NOS1AP: variants seen among roughly 807,000 people sequenced by gnomAD.
NOS1AP encodes the protein carboxyl-terminal PDZ ligand of neuronal nitric oxide synthase protein.
Under a neutral mutation model 56.2 loss-of-function variants are expected in NOS1AP, and 21 were observed. That is an observed-to-expected ratio of 0.37 (90% confidence interval 0.26 to 0.54). The LOEUF (loss-of-function observed/expected upper bound fraction) is 0.54, where lower values mean the gene tolerates loss of function less well. Among genes scored for constraint, NOS1AP ranks in the 20% least tolerant of loss-of-function variants. The pLI, the probability that NOS1AP is intolerant of heterozygous loss-of-function variation, is 0.84. For missense variants in NOS1AP, 522 were observed against 657.8 expected (o/e 0.79, Z 2.26); for synonymous variants, 270 against 274.6 (o/e 0.98, Z 0.17).
rs144609164 is a variant in NOS1AP, at chr1:162,077,801, T to C, written c.105+7519T>C. Among the ~76,000 whole-genome samples the C allele has an allele frequency of 1.6e-3, 246 of 151,688 alleles. 1 individual carries two copies. Among genetic ancestry groups the C allele is most frequent in the Admixed American group, 4.3e-3 (66 of 15,230 alleles). ...TGAAATACCTCTTCTTTCCACCTCTTTCTTTAATTAACATGTTGTCTTTCT... is the reference window on the plus strand; with the variant it reads ...TGAAATACCTCTTCTTTCCACCTCTCTCTTTAATTAACATGTTGTCTTTCT... On this transcript the variant is annotated intron_variant, in intron 1 of 9. Transcript: ENST00000361897.
intron 4 of NOS1AP, among the ~76,000 whole-genome samples, chr1:162,320,634 T>A (rs1656385478): frequency 6.6e-6 from 1 of 152,058 alleles, no homozygotes; most frequent in Non-Finnish European, 1.5e-5. Flanking sequence ...GGCGGGAGGA[T>A]CACAAGGTCA....
At chr1:162,357,187 A>T in intron 8 of NOS1AP, 51 bp downstream of exon 8, 1 of 1,586,994 alleles carries the variant, frequency 6.3e-7, no homozygotes, top group Non-Finnish European at 8.5e-7. Flanking sequence ...CATGGGCTTG[A>T]TGCACCTTCC....
intron 2 of NOS1AP, among the ~76,000 whole-genome samples, chr1:162,162,623 C>T (rs1212501254): frequency 6.6e-6 from 1 of 152,186 alleles, no homozygotes; most frequent in African/African-American, 2.4e-5. Flanking sequence ...ATTTCAGTTA[C>T]AAGGACAAAG....
intron 2 of NOS1AP, among the ~76,000 whole-genome samples, chr1:162,158,484 T>C (rs951472055): frequency 6.6e-6 from 1 of 152,252 alleles, no homozygotes; most frequent in African/African-American, 2.4e-5. Flanking sequence ...GAGATCTTGC[T>C]TAGAAATTTT....
At chr1:162,251,477 A>G (rs190848164) in intron 2 of NOS1AP, among the ~76,000 whole-genome samples, 89 of 152,222 alleles carry the variant, frequency 5.8e-4, no homozygotes, top group African/African-American at 2.0e-3. Flanking sequence ...AATGTACTAG[A>G]AGCTAAACAC....
intron 2 of NOS1AP, among the ~76,000 whole-genome samples, chr1:162,254,993 T>G (rs1293323244): frequency 6.6e-6 from 1 of 152,228 alleles, no homozygotes; most frequent in Non-Finnish European, 1.5e-5. Context: ...GTGGTCCATT[T>G]CAGTTTGGAC....
At chr1:162,341,677 G>A (rs1450533498) in intron 5 of NOS1AP, among the ~76,000 whole-genome samples, 1 of 152,158 alleles carries the variant, frequency 6.6e-6, no homozygotes, top group African/African-American at 2.4e-5. Flanking sequence ...AACTAGTAAC[G>A]AGCTTTGCCG....
rs371440127 is a variant in NOS1AP at position 162,094,050 on chromosome 1, G to C, written c.105+23768G>C. ...CCTCAATAGGCGTAAGTGCTTGTCT[G>C]TAACTTTCCTAGCCTTTCTTGAAAG... On this transcript the variant is annotated intron_variant, in intron 1 of 9. Coordinates refer to ENST00000361897, the MANE Select transcript of NOS1AP (RefSeq NM_014697.3). Among the ~76,000 whole-genome samples, 25 of 152,328 alleles carry C rather than the reference G, an allele frequency of 1.6e-4. 3 individuals carry two copies. The highest frequency in any genetic ancestry group is 6.0e-4 in the African/African-American group (25 of 41,588).
At chr1:162,237,182 C>T (rs1180794404) in intron 2 of NOS1AP, among the ~76,000 whole-genome samples, 1 of 152,186 alleles carries the variant, frequency 6.6e-6, no homozygotes, top group African/African-American at 2.4e-5. Context: ...GTCAAGATCC[C>T]TCAGGTTAGA....
intron 2 of NOS1AP, among the ~76,000 whole-genome samples, chr1:162,171,093 G>A (rs1378057751): frequency 6.6e-6 from 1 of 152,148 alleles, no homozygotes; most frequent in Non-Finnish European, 1.5e-5. Flanking sequence ...AAGACACAGG[G>A]GCTGTTGGTC....
At chr1:162,350,244 A>C (rs1287658652) in intron 6 of NOS1AP, among the ~76,000 whole-genome samples, 1 of 152,218 alleles carries the variant, frequency 6.6e-6, no homozygotes, top group Non-Finnish European at 1.5e-5. Context: ...GTTTACTCTG[A>C]GGAGCTGGAA....
intron 8 of NOS1AP, chr1:162,363,595 T>C (rs1219732325): frequency 1.2e-5 from 2 of 164,550 alleles, no homozygotes; most frequent in Non-Finnish European, 2.5e-5. Flanking sequence ...CCTCTAATCA[T>C]ACCTTGGTCT....
chr1:162,214,914 A>C (rs1426820863), intron 2 of NOS1AP, among the ~76,000 whole-genome samples: 1 of 152,196 alleles, frequency 6.6e-6, no homozygotes, highest in Non-Finnish European at 1.5e-5. Flanking sequence ...CATCGTTATT[A>C]ATGAATTCTT....
Position 162,368,270 on chromosome 1 carries a change from C to G in NOS1AP, c.*803C>G, listed in dbSNP as rs986337760. The G allele has an allele frequency of 3.3e-5, 5 of 152,136 alleles. No individual in the cohort carries two copies. The highest frequency in any genetic ancestry group is 1.2e-4 in the African/African-American group (5 of 41,328). The allele number at this position is 152,136 out of a possible 1,614,324, so 9.4% of individuals were successfully genotyped here. ...GCCCTGCCTTCCTCCTGCCTGTAGC[C>G]CAGCCCATCTAAATGGAAGCTGGGA... On this transcript the variant is annotated 3_prime_UTR_variant, in exon 10 of 10. Coordinates refer to ENST00000361897, the MANE Select transcript of NOS1AP (RefSeq NM_014697.3).
intron 5 of NOS1AP, among the ~76,000 whole-genome samples, chr1:162,342,128 G>A (rs78718746): frequency 0.018 from 2,760 of 152,264 alleles, 40 homozygotes; most frequent in South Asian, 0.046. Context: ...GTTCTGATTC[G>A]CCACTGGGTG....
At chr1:162,174,290 T>C (rs905375774) in intron 2 of NOS1AP, among the ~76,000 whole-genome samples, 1 of 151,798 alleles carries the variant, frequency 6.6e-6, no homozygotes, top group African/African-American at 2.4e-5. Context: ...ACCATCATTC[T>C]CAGCAAACTA....
At chr1:162,148,662 C>T (rs1649583175) in intron 1 of NOS1AP, among the ~76,000 whole-genome samples, 1 of 152,174 alleles carries the variant, frequency 6.6e-6, no homozygotes, top group African/African-American at 2.4e-5. Context: ...ATTTTGATTG[C>T]CATCTTTGAG....
intron 2 of NOS1AP, among the ~76,000 whole-genome samples, chr1:162,182,519 C>T (rs1287489775): frequency 6.6e-6 from 1 of 152,206 alleles, no homozygotes; most frequent in Non-Finnish European, 1.5e-5. Context: ...AGGATTGAGT[C>T]TTCCTTTTAC....
intron 1 of NOS1AP, among the ~76,000 whole-genome samples, chr1:162,137,578 G>C (rs1462024865): frequency 3.3e-5 from 5 of 152,012 alleles, no homozygotes; most frequent in Non-Finnish European, 7.4e-5. Flanking sequence ...TTTCTTTTCA[G>C]AAATCTGTAT....
Sources: gnomAD v4.1 joint callset for allele counts (sites outside exome capture counted in the v4.1 genomes callset) on GRCh38, gnomAD v4.1.1 for gene constraint, MANE v1.5 for transcripts, NCBI Gene and HGNC (gene_info 2026-07-23, HGNC 2026-07-21) for gene names.